The following WNK3 variants were observed in gnomAD, a reference collection of about 807,000 sequenced individuals.
WNK3 encodes the protein serine/threonine-protein kinase WNK3.
WNK3 carries 18 observed loss-of-function variants against 116.7 expected under a neutral mutation model. That is an observed-to-expected ratio of 0.15 (90% CI 0.11 to 0.23). The LOEUF (loss-of-function observed/expected upper bound fraction) is 0.23, where lower values mean the gene tolerates loss of function less well. Ranked by LOEUF, WNK3 falls within the 10% of genes least tolerant of loss-of-function variation. WNK3 has a pLI of 1.00. For synonymous variants in WNK3, 404 were observed against 469.4 expected (o/e 0.86, Z 1.80); for missense variants, 993 against 1,323.8 (o/e 0.75, Z 3.88).
intron 22 of WNK3, among the ~76,000 whole-genome samples, chrX:54,226,461 C>T (rs1473866658): frequency 1.3e-5 from 1 of 76,667 alleles, no homozygotes; most frequent in Non-Finnish European, 2.4e-5. Flanking sequence ...CAGGGTGAGA[C>T]TCTGTCTCAA....
intron 22 of WNK3, among the ~76,000 whole-genome samples, chrX:54,218,745 G>A (rs1173905705): frequency 9.1e-6 from 1 of 109,468 alleles, no homozygotes; most frequent in African/African-American, 3.3e-5. Context: ...TTAGCCGGGT[G>A]TGGTGGTGCG....
Position 54,237,655 on chromosome X carries a change from T to C in WNK3, c.4015-104A>G, listed in dbSNP as rs782030062. 538 of 803,196 alleles carry C rather than the reference T, an allele frequency of 6.7e-4. 1 individual carries two copies. Among genetic ancestry groups the C allele is most frequent in the Non-Finnish European group, 8.2e-4 (493 of 599,945 alleles). 66.2% of individuals were successfully genotyped at this position (803,196 alleles called of 1,213,427 possible). A position where few individuals can be genotyped will look rare whatever the true frequency, so the allele number is the denominator to read the frequency against. On this transcript the variant is annotated intron_variant, in intron 19 of 23. Coordinates refer to ENST00000354646, the Ensembl canonical transcript of WNK3. ...TAGCAAAACTTAAAAATTTAATCTA[T>C]ACCCCCAAATTCACTCTTTCAATCA...
intron 10 of WNK3, among the ~76,000 whole-genome samples, chrX:54,279,569 AC>A (rs1175719793): frequency 2.7e-5 from 3 of 111,752 alleles, no homozygotes; most frequent in African/African-American, 9.7e-5. Context: ...ACCTCAACAA[AC>A]AAACAAACAA....
intron 22 of WNK3, among the ~76,000 whole-genome samples, chrX:54,208,383 C>T (rs1354673094): frequency 4.5e-5 from 5 of 110,624 alleles, no homozygotes; most frequent in Non-Finnish European, 9.4e-5. Flanking sequence ...CTCGGCCTCC[C>T]AAAGTGCTAG....
chrX:54,304,980 A>T (rs2982680), intron 5 of WNK3, among the ~76,000 whole-genome samples: 26,146 of 107,153 alleles, frequency 0.24, 6,850 homozygotes, highest in African/African-American at 0.78. Flanking sequence ...TTATTAAAAA[A>T]ATATATATAT....
intron 12 of WNK3, 49 bp downstream of exon 12, chrX:54,255,691 C>T: frequency 8.7e-7 from 1 of 1,150,297 alleles, no homozygotes; most frequent in Non-Finnish European, 1.2e-6. Flanking sequence ...CTCTCTGACC[C>T]TCCAGACCTC....
intron 10 of WNK3, among the ~76,000 whole-genome samples, chrX:54,291,922 G>C (rs2147105513): frequency 8.9e-6 from 1 of 111,732 alleles, no homozygotes; most frequent in East Asian, 2.8e-4. Context: ...CCCAGAGAAG[G>C]AAGACAAACG....
At chrX:54,216,152 A>G (rs1265522072) in intron 22 of WNK3, among the ~76,000 whole-genome samples, 1 of 110,085 alleles carries the variant, frequency 9.1e-6, no homozygotes, top group Non-Finnish European at 1.9e-5. Context: ...GGAAGGTGGA[A>G]GGCGGCAGGG....
chrX:54,352,847 G>T (rs1056494047), intron 1 of WNK3, among the ~76,000 whole-genome samples: 1 of 111,708 alleles, frequency 9.0e-6, no homozygotes, highest in South Asian at 3.8e-4. Flanking sequence ...ACTGATAAAT[G>T]GATAAACAAA....
At chrX:54,341,330 G>C (rs782042761) in intron 1 of WNK3, among the ~76,000 whole-genome samples, 1 of 110,631 alleles carries the variant, frequency 9.0e-6, no homozygotes, top group Non-Finnish European at 1.9e-5. Context: ...CCAGGGGGCA[G>C]AGGTTGCAGC....
intron 21 of WNK3, among the ~76,000 whole-genome samples, chrX:54,232,131 A>ATG (rs1569536098): frequency 1.2e-3 from 124 of 104,846 alleles, no homozygotes; most frequent in African/African-American, 4.0e-3. Flanking sequence ...ATATATATAT[A>ATG]TATATGTATG....
chrX:54,350,403 C>T (rs2069499423), intron 1 of WNK3, among the ~76,000 whole-genome samples: 1 of 105,667 alleles, frequency 9.5e-6, no homozygotes, highest in Non-Finnish European at 1.9e-5. Flanking sequence ...GAATGAGACT[C>T]TGTCTCAAAA....
At chrX:54,258,003 C>T (rs782637628) in intron 11 of WNK3, among the ~76,000 whole-genome samples, 53 of 109,175 alleles carry the variant, frequency 4.9e-4, no homozygotes, top group Non-Finnish European at 6.5e-4. Context: ...TGAGGCTGGG[C>T]GCTGTGGTGC....
rs34431672 is a variant in WNK3, at chrX:54,219,669, CAAAAAAAA to C, written c.4870+9037_4870+9044del. Among the ~76,000 whole-genome samples the C allele has an allele frequency of 6.3e-3, 95 of 15,184 alleles. 1 individual carries two copies. Among genetic ancestry groups the C allele is most frequent in the Non-Finnish European group, 0.01 (74 of 7,357 alleles). The allele number at this position is 15,184 out of a possible 115,157, so 13.2% of individuals were successfully genotyped here. On this transcript the variant is annotated intron_variant, in intron 22 of 23. Transcript: ENST00000354646. ...GGCAACAAAACGAGACTCCATCTCC[CAAAAAAAA>C]AAAAAAAAAAAAAAAAAAAAAAAGG...
At position 54,228,706 on chromosome X, in the gene WNK3, A is replaced by T. The variant is rs2067869342; in HGVS notation, c.4870+8T>A. 4.1e-6 allele frequency: 2 copies of T among 484,073 alleles called. No individual in the cohort carries two copies. Among genetic ancestry groups the T allele is most frequent in the Non-Finnish European group, 7.5e-6 (2 of 267,915 alleles). 39.9% of individuals were successfully genotyped at this position (484,073 alleles called of 1,213,427 possible). On this transcript the variant is annotated splice_region_variant and intron_variant, in intron 22 of 23. Transcript: ENST00000354646. ...AATTAAAAGTAAAGAAGCAAAAGAAATACTTACTTTCCAACTCATTTATAA... is the reference window on the plus strand; with the variant it reads ...AATTAAAAGTAAAGAAGCAAAAGAATTACTTACTTTCCAACTCATTTATAA...
rs144724552 is a variant in WNK3, at chrX:54,306,829, A to G, written c.1089+1093T>C. ...AAATAATAAGCAAGTGGGGTGACAG[A>G]TATGTTAACTAGCCTGATTTAATCA... is the stretch of plus-strand genomic sequence containing the variant. On this transcript the variant is annotated intron_variant, in intron 5 of 23. Coordinates refer to ENST00000354646, the Ensembl canonical transcript of WNK3. 5.7e-3 allele frequency among the ~76,000 whole-genome samples: 631 copies of G among 111,534 alleles called. 20 individuals are homozygous for G. In the South Asian group the frequency reaches 0.12, roughly 21 times the overall value.
In WNK3 at chrX:54,212,151, G is replaced by A. The variant is rs782431943; in HGVS notation, c.4871-9958C>T. ...TGAGGCAGGAGAATGTCGTGAAACC[G>A]GGAGGCAGAGCTTGCAGTGAATGGA... On this transcript the variant is annotated intron_variant, in intron 22 of 23. Transcript: ENST00000354646. Among the ~76,000 whole-genome samples, 28 of 111,828 alleles carry A rather than the reference G, an allele frequency of 2.5e-4. No homozygotes were observed. In the Middle Eastern group the frequency reaches 0.014, roughly 56 times the overall value.
intron 2 of WNK3, among the ~76,000 whole-genome samples, chrX:54,326,587 C>T (rs1240108507): frequency 9.1e-6 from 1 of 110,209 alleles, no homozygotes; most frequent in African/African-American, 3.3e-5. Flanking sequence ...AATTCCAGAA[C>T]TTTGAGAGGC....
At chrX:54,219,153 A>G (rs2067732402) in intron 22 of WNK3, among the ~76,000 whole-genome samples, 1 of 111,272 alleles carries the variant, frequency 9.0e-6, no homozygotes. Context: ...ACTAAAGTAA[A>G]TTTAATGAGA....
Sources: allele counts gnomAD v4.1 joint callset (sites outside exome capture counted in the v4.1 genomes callset), GRCh38; gene constraint gnomAD v4.1.1; transcripts MANE v1.5; gene names NCBI Gene and HGNC (gene_info 2026-07-23, HGNC 2026-07-21).